The following NSD1 variants were observed in gnomAD, a reference collection of about 807,000 sequenced individuals.
NSD1 encodes the protein histone-lysine N-methyltransferase, H3 lysine-36 specific.
In NSD1, 26 loss-of-function variants were observed where a neutral mutation model predicts 242.7. That is an observed-to-expected ratio of 0.11 (90% CI 0.08 to 0.15). The LOEUF is 0.15. Ranked by LOEUF, NSD1 falls within the 10% of genes least tolerant of loss-of-function variation. NSD1 has a pLI of 1.00. For synonymous variants in NSD1, 1,106 were observed against 1,178.1 expected, an observed-to-expected ratio of 0.94 and a Z score of 1.25; for missense variants, 2,495 against 3,272.8, an observed-to-expected ratio of 0.76 and a Z score of 5.80.
At chr5:177,276,930 A>C (rs1452952478) in intron 17 of NSD1, among the ~76,000 whole-genome samples, 1 of 152,206 alleles carries the variant, frequency 6.6e-6, no homozygotes, top group African/African-American at 2.4e-5. Flanking sequence ...GAGTCTCACA[A>C]TGTATGTGAA....
chr5:177,216,689 T>A (rs1040611565), intron 5 of NSD1, among the ~76,000 whole-genome samples: 27 of 149,510 alleles, frequency 1.8e-4, no homozygotes, highest in African/African-American at 4.2e-4. Flanking sequence ...TTTTTTTTTT[T>A]AATTTTTAGT....
chr5:177,272,441 T>G (rs142426606), intron 16 of NSD1, among the ~76,000 whole-genome samples: 102 of 152,116 alleles, frequency 6.7e-4, no homozygotes, highest in African/African-American at 2.2e-3. Flanking sequence ...CTTTAAAGGA[T>G]TGACAGACTT....
intron 2 of NSD1, among the ~76,000 whole-genome samples, chr5:177,138,400 T>C (rs1254375161): frequency 6.6e-6 from 1 of 151,940 alleles, no homozygotes. Context: ...GGACTACAGG[T>C]GTGCACCACC....
At chr5:177,159,030 GAT>G (rs35942745) in intron 2 of NSD1, among the ~76,000 whole-genome samples, 18,269 of 113,730 alleles carry the variant, frequency 0.16, 1,748 homozygotes, top group East Asian at 0.52. Context: ...ATATATGAAT[GAT>G]ATATATATAT....
At chr5:177,182,052 C>T (rs866049386) in intron 2 of NSD1, among the ~76,000 whole-genome samples, 11 of 151,252 alleles carry the variant, frequency 7.3e-5, no homozygotes, top group African/African-American at 2.2e-4. Flanking sequence ...CTCGGGAGGC[C>T]GAGGTAGGAG....
intron 9 of NSD1, among the ~76,000 whole-genome samples, chr5:177,244,485 T>C (rs1766125284): frequency 6.6e-6 from 1 of 152,208 alleles, no homozygotes. Flanking sequence ...ACCTGTAATC[T>C]CTCTAAAGCG....
rs182552373 is a variant in NSD1 at position 177,256,401 on chromosome 5, G to A, written c.4766-550G>A. On this transcript the variant is annotated intron_variant, in intron 12 of 22. Coordinates refer to ENST00000439151, the MANE Select transcript of NSD1 (RefSeq NM_022455.5). ...AGGCTCAAGCAATCCTCCTGCCTCA[G>A]CCTCTTGAGTAGCTGGGACCACAGG... 7.3e-5 allele frequency among the ~76,000 whole-genome samples: 11 copies of A among 150,054 alleles called. No homozygotes were observed. The East Asian group carries it at 9.9e-4, about 13-fold the overall frequency.
intron 2 of NSD1, among the ~76,000 whole-genome samples, chr5:177,156,174 A>ATTTTTTTTTTTTT (rs34417228): frequency 2.6e-5 from 2 of 78,018 alleles, no homozygotes; most frequent in African/African-American, 5.4e-5. Context: ...CTCTTTTCAG[A>ATTTTTTTTTTTTT]TTTTTTTTTT....
At position 177,135,920 on chromosome 5, in the gene NSD1, T is replaced by C. The variant is rs1458587790; in HGVS notation, c.817T>C (p.Ser273Pro). Reference sequence around the variant, plus strand: ...CATTACAATAGAAGAGCAATTAAACTCAATAAATTTATCTTTTCAGGATGA... The same window carrying C: ...CATTACAATAGAAGAGCAATTAAACCCAATAAATTTATCTTTTCAGGATGA... ...TNITIEEQLN[S>P]INLSFQDDPD... The change falls in exon 2 of 23, where the codon TCA becomes CCA. Residue 273 changes from serine (S) to proline (P), a missense_variant. Physicochemically the swap from Ser to Pro is moderately conservative, Grantham distance 74. Transcript: ENST00000439151. 6.2e-7 allele frequency: 1 copy of C among 1,612,922 alleles called. No homozygotes were observed. Among genetic ancestry groups the C allele is most frequent in the African/African-American group, 1.3e-5 (1 of 74,904 alleles).
At chr5:177,162,945 A>T (rs190571376) in intron 2 of NSD1, among the ~76,000 whole-genome samples, 3 of 152,208 alleles carry the variant, frequency 2.0e-5, no homozygotes, top group Admixed American at 2.0e-4. Context: ...GATTACAGAC[A>T]TGAGCCACTA....
intron 5 of NSD1, among the ~76,000 whole-genome samples, chr5:177,230,652 ACT>A (rs1208799607): frequency 6.6e-6 from 1 of 151,786 alleles, no homozygotes; most frequent in African/African-American, 2.4e-5. Flanking sequence ...ATGATGAAAC[ACT>A]GTCTCTACTA....
chr5:177,159,287 T>TTGTTTG (rs1017957314), intron 2 of NSD1, among the ~76,000 whole-genome samples: 4 of 151,234 alleles, frequency 2.6e-5, no homozygotes, highest in African/African-American at 9.7e-5. Context: ...TTTTTTTTGT[T>TTGTTTG]TGTTTGTTTG....
chr5:177,265,200 T>G, intron 14 of NSD1: 2 of 781,124 alleles, frequency 2.6e-6, no homozygotes. Context: ...TGGGAAGGAG[T>G]CTGAGCTGCT....
At chr5:177,224,971 T>A (rs541590899) in intron 5 of NSD1, among the ~76,000 whole-genome samples, 1 of 152,158 alleles carries the variant, frequency 6.6e-6, no homozygotes, top group South Asian at 2.1e-4. Context: ...TTTTTGTAAT[T>A]TGAACCAACT....
At chr5:177,191,515 T>G (rs1761694723) in intron 2 of NSD1, among the ~76,000 whole-genome samples, 4 of 152,168 alleles carry the variant, frequency 2.6e-5, no homozygotes, top group Admixed American at 2.6e-4. Flanking sequence ...TAATTTTTTC[T>G]CCATTTTTTT....
intron 2 of NSD1, among the ~76,000 whole-genome samples, chr5:177,155,742 A>G (rs1477047060): frequency 6.6e-6 from 1 of 152,024 alleles, no homozygotes; most frequent in African/African-American, 2.4e-5. Flanking sequence ...GCTAGAGTGC[A>G]ATGACACAAT....
At chr5:177,213,528 C>T (rs992771267) in intron 5 of NSD1, among the ~76,000 whole-genome samples, 53 of 152,034 alleles carry the variant, frequency 3.5e-4, no homozygotes, top group African/African-American at 1.0e-3. Flanking sequence ...AGTGCCGTGG[C>T]GTGATCTCGG....
intron 2 of NSD1, among the ~76,000 whole-genome samples, chr5:177,185,321 A>G (rs925802927): frequency 1.3e-5 from 2 of 151,930 alleles, no homozygotes; most frequent in African/African-American, 4.8e-5. Flanking sequence ...TATAAATGCC[A>G]GGTGCTGTGG....
chr5:177,179,613 T>C (rs1760491558), intron 2 of NSD1, among the ~76,000 whole-genome samples: 1 of 152,252 alleles, frequency 6.6e-6, no homozygotes, highest in Admixed American at 6.5e-5. Context: ...ACTTGGAATG[T>C]GGAGCAGCCA....
Sources: gnomAD v4.1 joint callset for allele counts (sites outside exome capture counted in the v4.1 genomes callset) on GRCh38, gnomAD v4.1.1 for gene constraint, MANE v1.5 for transcripts, NCBI Gene and HGNC (gene_info 2026-07-23, HGNC 2026-07-21) for gene names.